Variants in FIBCD1 observed in about 807,000 individuals in gnomAD.
FIBCD1 encodes fibrinogen C domain-containing protein 1.
In FIBCD1, 47 loss-of-function variants were observed where a neutral mutation model predicts 45.1. That is an observed-to-expected ratio of 1.04 (90% confidence interval 0.82 to 1.33). FIBCD1 has a LOEUF of 1.33. Ranked by LOEUF, FIBCD1 falls within the 40% of genes most tolerant of loss-of-function variation. FIBCD1 has a pLI of 0.00. For missense variants in FIBCD1, 653 were observed against 682.2 expected, an observed-to-expected ratio of 0.96 and a Z score of 0.48; for synonymous variants, 313 against 308.1, an observed-to-expected ratio of 1.02 and a Z score of -0.17.
chr9:130,910,224 C>T (rs1003970923), intron 5 of FIBCD1, among the ~76,000 whole-genome samples: 2 of 134,188 alleles, frequency 1.5e-5, no homozygotes, highest in African/African-American at 6.6e-5. Context: ...AGCAGCCGAC[C>T]AGCCCCGCTG....
upstream of FIBCD1, chr9:130,939,417 G>A (rs748379981): frequency 6.6e-6 from 1 of 152,226 alleles, no homozygotes; most frequent in Non-Finnish European, 1.5e-5. Context: ...CCCGGGGCAA[G>A]TGCGCCCAGC....
intron 1 of FIBCD1, among the ~76,000 whole-genome samples, chr9:130,932,363 T>G (rs531151675): frequency 6.6e-6 from 1 of 152,180 alleles, no homozygotes; most frequent in East Asian, 1.9e-4. Flanking sequence ...GAAGAGAGTT[T>G]CTTGGCCTGT....
At chr9:130,911,555 C>T (rs1165456645) in intron 5 of FIBCD1, among the ~76,000 whole-genome samples, 4 of 152,232 alleles carry the variant, frequency 2.6e-5, no homozygotes, top group African/African-American at 9.6e-5. Flanking sequence ...CATGTGGGAC[C>T]CTCAGCCTTT....
chr9:130,939,668 A>C (rs1181339034), upstream of FIBCD1, among the ~76,000 whole-genome samples: 1 of 151,096 alleles, frequency 6.6e-6, no homozygotes, highest in Non-Finnish European at 1.5e-5. Flanking sequence ...CTCCCGGCCG[A>C]TCGCCCGCGC....
intron 1 of FIBCD1, chr9:130,936,316 TTC>T (rs1487159881): frequency 6.6e-6 from 1 of 152,260 alleles, no homozygotes; most frequent in African/African-American, 2.4e-5. Context: ...GCAAGCAGTG[TTC>T]TCTCTTTCTT....
At chr9:130,920,238 T>C (rs1832237804) in intron 4 of FIBCD1, among the ~76,000 whole-genome samples, 11 of 152,122 alleles carry the variant, frequency 7.2e-5, no homozygotes, top group Admixed American at 6.5e-4. Flanking sequence ...AATAAGGACA[T>C]CTGGCCTTTC....
In FIBCD1 at chr9:130,929,560, G is replaced by C. The variant is rs370762080; in HGVS notation, c.552+7C>G. 15 of 1,501,250 alleles carry C rather than the reference G, an allele frequency of 1.0e-5. No homozygotes were observed. In the East Asian group the frequency reaches 2.6e-4, roughly 26 times the overall value. The allele number at this position is 1,501,250 out of a possible 1,614,324, so 93.0% of individuals were successfully genotyped here. On this transcript the variant is annotated splice_region_variant and intron_variant, in intron 2 of 6. Coordinates refer to ENST00000372338, the MANE Select transcript of FIBCD1 (RefSeq NM_032843.5). ...GCAAGACCCCAAGATGCAGACCCCA[G>C]CCCTACCTGGATGAGGCGGCCCTGC...
chr9:130,927,281 T>A (rs745608513), intron 2 of FIBCD1, among the ~76,000 whole-genome samples: 2 of 151,484 alleles, frequency 1.3e-5, no homozygotes, highest in South Asian at 2.1e-4. Flanking sequence ...TTTTCAATAG[T>A]GGCATGGTGG....
rs1181709217 is a variant in FIBCD1 at position 130,923,827 on chromosome 9, C to T, written c.766G>A (p.Gly256Ser). The change falls in exon 4 of 7, where the codon GGC (glycine) becomes AGC (serine). Residue 256 changes from glycine (G) to serine (S), a missense_variant. Coordinates refer to ENST00000372338, the MANE Select transcript of FIBCD1 (RefSeq NM_032843.5). ...DVLLSGQQDD[G>S]VYSVFPTHYP... The stretch of plus-strand genomic sequence containing the variant: ...TGGGTGGGAAAGACAGAGTAGACGC[C>T]ATCGTCCTGCTGTCCGCTTAGGAGG... 6.2e-7 allele frequency: 1 copy of T among 1,612,914 alleles called. No homozygotes were observed. The highest frequency in any genetic ancestry group is 8.5e-7 in the Non-Finnish European group (1 of 1,179,994).
rs758922636 is a variant in FIBCD1, at chr9:130,911,878, C to G, written c.860G>C (p.Arg287Pro). The G allele has an allele frequency of 6.3e-7, 1 of 1,580,192 alleles. No homozygotes were observed. The highest frequency in any genetic ancestry group is 8.6e-7 in the Non-Finnish European group (1 of 1,164,362). Residue 287 changes from arginine to proline, a missense_variant, in exon 5 of 7, where the codon CGC (arginine) becomes CCC (proline). Physicochemically the swap from Arg to Pro is moderately radical, Grantham distance 103 (BLOSUM62 -2). Coordinates refer to ENST00000372338, the MANE Select transcript of FIBCD1 (RefSeq NM_032843.5). Reference sequence around the variant, plus strand: ...GAAGTTCACGGAGCCGTCCTCCCGGCGCTGAAACACCTGCAAAGGGAAGAT... The same window carrying G: ...GAAGTTCACGGAGCCGTCCTCCCGGGGCTGAAACACCTGCAAAGGGAAGAT... ...TDGGGWTVFQ[R>P]REDGSVNFFR...
rs1187695414 is a variant in FIBCD1, at chr9:130,926,226, C to CT, written c.553-1831_553-1830insA. 2.0e-5 allele frequency among the ~76,000 whole-genome samples: 3 copies of CT among 152,258 alleles called. No individual in the cohort carries two copies. The East Asian group carries it at 5.8e-4, about 29-fold the overall frequency. The stretch of plus-strand genomic sequence containing the variant: ...ACTGGTACTGCCCATTTATCTGAGT[C>CT]AACACGGCCACAACGCACTAAAAAA... On this transcript the variant is annotated intron_variant, in intron 2 of 6. Transcript: ENST00000372338. This position sits in a 1 kb window ranked among gnomAD's most constrained non-coding sequence, Gnocchi z 4.1.
chr9:130,915,773 T>C (rs1213537040), intron 4 of FIBCD1, among the ~76,000 whole-genome samples: 2 of 152,302 alleles, frequency 1.3e-5, no homozygotes, highest in East Asian at 1.9e-4. Context: ...CAGTGACGGA[T>C]TGCGGACCTG....
chr9:130,937,577 C>G (rs1832537830), intron 1 of FIBCD1, among the ~76,000 whole-genome samples: 1 of 152,214 alleles, frequency 6.6e-6, no homozygotes, highest in Non-Finnish European at 1.5e-5. Flanking sequence ...CCTCCTGCAG[C>G]TGCAAGCACG....
chr9:130,923,454 G>T (rs754255931), intron 4 of FIBCD1, among the ~76,000 whole-genome samples: 1 of 152,142 alleles, frequency 6.6e-6, no homozygotes, highest in Non-Finnish European at 1.5e-5. Context: ...CCCAAACCCC[G>T]CCCCACCCCC....
chr9:130,919,877 A>G (rs1461038139), intron 4 of FIBCD1, among the ~76,000 whole-genome samples: 1 of 152,190 alleles, frequency 6.6e-6, no homozygotes, highest in Non-Finnish European at 1.5e-5. Context: ...GACCCCAGCC[A>G]GTGACTATGC....
Position 130,938,729 on chromosome 9 carries a change from C to T in FIBCD1, c.-122G>A, listed in dbSNP as rs1832563057. 4.6e-6 allele frequency: 2 copies of T among 432,632 alleles called. No homozygotes were observed. Among genetic ancestry groups the T allele is most frequent in the Non-Finnish European group, 3.2e-6 (1 of 311,140 alleles). The allele number at this position is 432,632 out of a possible 1,614,324, so 26.8% of individuals were successfully genotyped here. ...GTCCGCCGGGTCCCCGCCTCTGTGC[C>T]CCGCGCCGGGGCGGCCCGGGAGCGG... On this transcript the variant is annotated 5_prime_UTR_variant, in exon 1 of 7. Coordinates refer to ENST00000372338, the MANE Select transcript of FIBCD1 (RefSeq NM_032843.5).
chr9:130,911,015 A>G lies in FIBCD1; in HGVS notation c.946+777T>C, dbSNP rs535912966. The stretch of plus-strand genomic sequence containing the variant: ...AACAGACCACTGGGCTCTACCAAGC[A>G]GCAGGATGTGGGTGGGGCCACATAA... On this transcript the variant is annotated intron_variant, in intron 5 of 6. Transcript: ENST00000372338. Among the ~76,000 whole-genome samples the G allele has an allele frequency of 7.6e-4, 116 of 152,332 alleles. 4 individuals carry two copies. The highest frequency in any genetic ancestry group is 6.8e-4 in the Non-Finnish European group (46 of 68,028).
chr9:130,903,634 T>C lies in FIBCD1; in HGVS notation c.*430A>G, dbSNP rs150692134. ...GACCTGACCTCAGAGAGACCTGACG[T>C]TCCCCACGATCTGCTAGGAGGACTC... On this transcript the variant is annotated 3_prime_UTR_variant, in exon 7 of 7. Transcript: ENST00000372338. The C allele has an allele frequency of 3.4e-3, 975 of 287,382 alleles. 11 individuals are homozygous for C. The highest frequency in any genetic ancestry group is 0.019 in the African/African-American group (875 of 46,040). The allele number at this position is 287,382 out of a possible 1,614,324, so 17.8% of individuals were successfully genotyped here.
At chr9:130,931,903 G>C (rs904075368) in intron 1 of FIBCD1, among the ~76,000 whole-genome samples, 1 of 152,252 alleles carries the variant, frequency 6.6e-6, no homozygotes, top group African/African-American at 2.4e-5. Context: ...AAATGACTTC[G>C]TATATTAAAG....
Sources: gnomAD v4.1 joint callset for allele counts (sites outside exome capture counted in the v4.1 genomes callset) on GRCh38, gnomAD v4.1.1 for gene constraint, Gnocchi (gnomAD v3.1) non-coding constraint, MANE v1.5 for transcripts, NCBI Gene and HGNC (gene_info 2026-07-23, HGNC 2026-07-21) for gene names.